The following DLGAP2 variants were observed in gnomAD, a reference collection of about 807,000 sequenced individuals.
The protein encoded by DLGAP2 is disks large-associated protein 2.
A neutral mutation model predicts 100.3 loss-of-function variants in DLGAP2; 26 were observed. The ratio of observed to expected loss-of-function variants is 0.26; its 90% CI spans 0.19 to 0.36. The LOEUF is 0.36. DLGAP2 is among the 10% of genes least tolerant of loss of function. The probability of loss-of-function intolerance (pLI) is 1.00; values close to 1 mark genes in which losing one functional copy is unlikely to be tolerated. For synonymous variants in DLGAP2, 886 were observed against 630.1 expected (o/e 1.41, Z -6.08); for missense variants, 1,858 against 1,453.2 (o/e 1.28, Z -4.53).
intron 5 of DLGAP2, among the ~76,000 whole-genome samples, chr8:1,552,389 CTCCTCACTG>C (rs1326892651): frequency 1.3e-5 from 2 of 152,238 alleles, no homozygotes; most frequent in African/African-American, 2.4e-5. Flanking sequence ...CTTCTCTCCC[CTCCTCACTG>C]TCCCCCAGTG....
chr8:1,519,105 C>T (rs576262911), intron 4 of DLGAP2, among the ~76,000 whole-genome samples: 24 of 152,268 alleles, frequency 1.6e-4, no homozygotes, highest in African/African-American at 5.5e-4. Context: ...GATACGAAGG[C>T]TTGGCTTTCA....
intron 3 of DLGAP2, among the ~76,000 whole-genome samples, chr8:1,362,099 G>A (rs7012751): frequency 0.06 from 2,148 of 36,018 alleles, 46 homozygotes; most frequent in African/African-American, 0.2. Flanking sequence ...GCTGGGACTC[G>A]GGGAGTTAGC....
intron 1 of DLGAP2, among the ~76,000 whole-genome samples, chr8:821,607 A>G (rs1796584454): frequency 6.6e-6 from 1 of 152,260 alleles, no homozygotes; most frequent in Non-Finnish European, 1.5e-5. Context: ...TCTCCTGGAA[A>G]GAAAATGATC....
At position 1,701,625 on chromosome 8, in the gene DLGAP2, A is replaced by G. The variant is rs1413140204; in HGVS notation, c.*219A>G. 1.0e-5 allele frequency: 6 copies of G among 591,440 alleles called. No individual in the cohort carries two copies. The highest frequency in any genetic ancestry group is 1.7e-5 in the Non-Finnish European group (6 of 343,266). The allele number at this position is 591,440 out of a possible 1,614,324, so 36.6% of individuals were successfully genotyped here. ...GCTTTTGTTGTTGTTGTTGTTGTTC[A>G]CGGGTGGCCTGGCTCACACTTGGCT... On this transcript the variant is annotated 3_prime_UTR_variant, in exon 15 of 15. Transcript: ENST00000637795.
intron 4 of DLGAP2, among the ~76,000 whole-genome samples, chr8:1,519,301 A>G (rs1800507329): frequency 9.9e-6 from 1 of 100,600 alleles, no homozygotes; most frequent in Non-Finnish European, 2.0e-5. Context: ...ACCCTTGTCT[A>G]CTTGGAAATC....
At chr8:1,234,445 C>T (rs376675541) in intron 2 of DLGAP2, among the ~76,000 whole-genome samples, 2 of 152,314 alleles carry the variant, frequency 1.3e-5, no homozygotes, top group South Asian at 2.1e-4. Flanking sequence ...CCAGTGTCAG[C>T]TTTTCATAAG....
At chr8:952,439 C>G (rs1214952806) in intron 2 of DLGAP2, among the ~76,000 whole-genome samples, 1 of 152,148 alleles carries the variant, frequency 6.6e-6, no homozygotes, top group Admixed American at 6.5e-5. Flanking sequence ...GAGTTCAAGA[C>G]CAGCCTGGCC....
chr8:818,367 A>G (rs778171433), intron 1 of DLGAP2, among the ~76,000 whole-genome samples: 21 of 152,180 alleles, frequency 1.4e-4, no homozygotes, highest in Non-Finnish European at 2.9e-4. Context: ...CCCCACCAAC[A>G]GTACCGAGTC....
chr8:1,540,116 G>A (rs558508058), intron 4 of DLGAP2, among the ~76,000 whole-genome samples: 175 of 152,282 alleles, frequency 1.1e-3, no homozygotes, highest in African/African-American at 3.9e-3. Context: ...TGGACGCACC[G>A]TGCCTGGAAC....
intron 3 of DLGAP2, among the ~76,000 whole-genome samples, chr8:1,315,606 C>T (rs1800720781): frequency 7.1e-6 from 1 of 141,608 alleles, no homozygotes; most frequent in South Asian, 2.5e-4. Flanking sequence ...GTGGTCTACA[C>T]TCGAGAAACT....
At chr8:989,314 C>T (rs575458734) in intron 2 of DLGAP2, among the ~76,000 whole-genome samples, 4 of 152,212 alleles carry the variant, frequency 2.6e-5, no homozygotes, top group Non-Finnish European at 5.9e-5. Flanking sequence ...CAGTGGACGG[C>T]TGCTCTCCCA....
intron 6 of DLGAP2, among the ~76,000 whole-genome samples, chr8:1,571,387 TG>T (rs1802670437): frequency 1.9e-5 from 1 of 52,334 alleles, no homozygotes; most frequent in Non-Finnish European, 3.7e-5. Flanking sequence ...GGGTGAACTG[TG>T]GGGGCATCTG....
At chr8:1,330,194 C>G (rs1585265816) in intron 3 of DLGAP2, among the ~76,000 whole-genome samples, 1 of 151,726 alleles carries the variant, frequency 6.6e-6, no homozygotes, top group African/African-American at 2.4e-5. Flanking sequence ...CGCCCAGGGA[C>G]TGAGTTCTGG....
At chr8:1,380,496 C>T (rs1019230311) in intron 3 of DLGAP2, among the ~76,000 whole-genome samples, 1 of 152,108 alleles carries the variant, frequency 6.6e-6, no homozygotes. Context: ...TGCTCAGCTG[C>T]ACAAAAGACT....
chr8:1,131,054 C>G (rs971552611), intron 2 of DLGAP2, among the ~76,000 whole-genome samples: 2 of 152,130 alleles, frequency 1.3e-5, no homozygotes, highest in African/African-American at 4.8e-5. Context: ...CATTATTTTC[C>G]TTAATTTTGA....
chr8:1,073,212 T>A (rs145539421), intron 2 of DLGAP2, among the ~76,000 whole-genome samples: 2 of 152,230 alleles, frequency 1.3e-5, no homozygotes, highest in African/African-American at 2.4e-5. Context: ...TTTGAGATCA[T>A]CTTTCTCTTC....
intron 2 of DLGAP2, among the ~76,000 whole-genome samples, chr8:1,168,235 T>C (rs907047910): frequency 1.6e-4 from 24 of 152,080 alleles, no homozygotes; most frequent in African/African-American, 5.3e-4. Flanking sequence ...GGTTGCATAG[T>C]ATTCCATGGT....
chr8:1,208,983 T>C (rs1798051279), intron 2 of DLGAP2, among the ~76,000 whole-genome samples: 1 of 152,220 alleles, frequency 6.6e-6, no homozygotes, highest in East Asian at 1.9e-4. Context: ...TGTAAAACAC[T>C]GATGAAAGAA....
At chr8:1,693,642 C>G (rs1415914197) in intron 13 of DLGAP2, among the ~76,000 whole-genome samples, 1 of 152,148 alleles carries the variant, frequency 6.6e-6, no homozygotes, top group Non-Finnish European at 1.5e-5. Flanking sequence ...GATGCACAAG[C>G]AAGCCAGAGT....
Sources: gnomAD v4.1 joint callset for allele counts (sites outside exome capture counted in the v4.1 genomes callset) on GRCh38, gnomAD v4.1.1 for gene constraint, MANE v1.5 for transcripts, NCBI Gene and HGNC (gene_info 2026-07-23, HGNC 2026-07-21) for gene names.